FAM83A: variants seen among roughly 807,000 people sequenced by gnomAD.
The protein encoded by FAM83A is scaffolding CK1 anchoring protein A.
A neutral mutation model predicts 24.4 loss-of-function variants in FAM83A; 21 were observed. That is an observed-to-expected ratio of 0.86 (90% CI 0.61 to 1.24). The LOEUF is 1.24. FAM83A is among the 50% of genes most tolerant of loss of function. The pLI, the probability that FAM83A is intolerant of heterozygous loss-of-function variation, is 0.00. For missense variants in FAM83A, 617 were observed against 579.8 expected, an observed-to-expected ratio of 1.06 and a Z score of -0.66; for synonymous variants, 270 against 252.4, an observed-to-expected ratio of 1.07 and a Z score of -0.66.
intron 1 of FAM83A, among the ~76,000 whole-genome samples, chr8:123,186,517 C>T (rs559958778): frequency 3.3e-5 from 5 of 152,298 alleles, no homozygotes; most frequent in Non-Finnish European, 5.9e-5. Context: ...ATTCTCTTTC[C>T]TTCCCTTCAT....
chr8:123,189,450 T>C (rs61402013), intron 1 of FAM83A, among the ~76,000 whole-genome samples: 3,772 of 152,294 alleles, frequency 0.025, 184 homozygotes, highest in African/African-American at 0.086. Context: ...ACAGGTAATC[T>C]TGAAGAAAGG....
chr8:123,182,829 C>G, exon 1 of FAM83A: 1 of 1,516,124 alleles, frequency 6.6e-7, no homozygotes, highest in Non-Finnish European at 8.8e-7. Context: ...GTGCCAGCCT[C>G]CCCCAGCACC....
chr8:123,202,696 G>T (rs941418980), intron 3 of FAM83A: 2 of 152,580 alleles, frequency 1.3e-5, no homozygotes, highest in Non-Finnish European at 2.9e-5. Context: ...TTCAAACTGT[G>T]CCTCACCATC....
rs1418378484 is a variant in FAM83A, at chr8:123,186,679, A to T, written c.480+3343A>T. Among the ~76,000 whole-genome samples, 5 of 152,136 alleles carry T rather than the reference A, an allele frequency of 3.3e-5. 1 individual carries two copies. The highest frequency in any genetic ancestry group is 1.2e-4 in the African/African-American group (5 of 41,516). On this transcript the variant is annotated intron_variant, in intron 1 of 3. Transcript: ENST00000690554. Reference sequence around the variant, plus strand: ...ACCCCGTCCCTACTAAAAATACAAAAATTAGCTCGGTGTGGTGGCAGATGT... The same window carrying T: ...ACCCCGTCCCTACTAAAAATACAAATATTAGCTCGGTGTGGTGGCAGATGT...
intron 3 of FAM83A, chr8:123,202,857 A>G (rs1258145501): frequency 6.6e-6 from 1 of 152,186 alleles, no homozygotes; most frequent in Non-Finnish European, 1.5e-5. Flanking sequence ...ATGATGTTAA[A>G]TGTGCTTTTC....
exon 4 of FAM83A, chr8:123,207,759 A>C: frequency 7.1e-7 from 1 of 1,410,020 alleles, no homozygotes; most frequent in Non-Finnish European, 9.2e-7. Flanking sequence ...ACCCACCTCA[A>C]CGACGAGTGG....
chr8:123,208,446 G>C (rs1044371137), exon 4 of FAM83A: 2 of 985,382 alleles, frequency 2.0e-6, no homozygotes, highest in African/African-American at 3.5e-5. Context: ...GGACCTAGGA[G>C]CTTGAGTTGT....
chr8:123,195,042 TG>T (rs1340384748), intron 3 of FAM83A, among the ~76,000 whole-genome samples: 2 of 151,892 alleles, frequency 1.3e-5, no homozygotes, highest in East Asian at 3.9e-4. Context: ...GCTAGGGAAG[TG>T]GATTTGATGG....
At chr8:123,194,058 A>G in exon 3 of FAM83A, 1 of 1,614,234 alleles carries the variant, frequency 6.2e-7, no homozygotes, top group Non-Finnish European at 8.5e-7. Flanking sequence ...GGAGAGATAT[A>G]CTGTGCCAAG....
chr8:123,204,523 G>A (rs1310840903), intron 3 of FAM83A, among the ~76,000 whole-genome samples: 6 of 151,776 alleles, frequency 4.0e-5, no homozygotes, highest in Non-Finnish European at 8.8e-5. Flanking sequence ...ACCACTTTGG[G>A]AGGCCGAGGC....
upstream of FAM83A, chr8:123,180,196 T>C (rs1325165294): frequency 6.6e-6 from 1 of 152,150 alleles, no homozygotes; most frequent in African/African-American, 2.4e-5. Flanking sequence ...CATGCTGGAA[T>C]GAACATGTGG....
At chr8:123,200,962 A>ATATATATATATAT (rs1376845493) in intron 3 of FAM83A, among the ~76,000 whole-genome samples, 190 of 141,186 alleles carry the variant, frequency 1.3e-3, no homozygotes, top group African/African-American at 4.8e-3. Flanking sequence ...ATAAACAAAA[A>ATATATATATATAT]AAAAAAATAT....
chr8:123,192,330 G>C (rs1044913380), intron 2 of FAM83A, among the ~76,000 whole-genome samples: 1 of 152,188 alleles, frequency 6.6e-6, no homozygotes, highest in African/African-American at 2.4e-5. Flanking sequence ...CTGGTGAGCA[G>C]CATCTCTGCC....
At chr8:123,207,985 G>T (rs140608350) in exon 4 of FAM83A, 1 of 1,192,314 alleles carries the variant, frequency 8.4e-7, no homozygotes, top group African/African-American at 1.6e-5. Flanking sequence ...GAGATCATCC[G>T]GGGCTTTAAT....
exon 4 of FAM83A, chr8:123,207,711 C>G: frequency 6.9e-7 from 1 of 1,449,740 alleles, no homozygotes; most frequent in South Asian, 1.4e-5. Flanking sequence ...CTGCTGCCCT[C>G]CGCAGGCCCA....
intron 1 of FAM83A, among the ~76,000 whole-genome samples, chr8:123,184,665 C>T (rs1823730968): frequency 6.6e-6 from 1 of 152,096 alleles, no homozygotes; most frequent in Non-Finnish European, 1.5e-5. Context: ...CTTGTTCAAC[C>T]CCAGGTGCAC....
intron 3 of FAM83A, among the ~76,000 whole-genome samples, chr8:123,199,074 A>G (rs778625600): frequency 6.6e-6 from 1 of 152,178 alleles, no homozygotes; most frequent in South Asian, 2.1e-4. Flanking sequence ...TGTACCTGCC[A>G]TCTCTCTGGG....
At chr8:123,202,974 T>C (rs573585882) in intron 3 of FAM83A, among the ~76,000 whole-genome samples, 1 of 152,010 alleles carries the variant, frequency 6.6e-6, no homozygotes, top group East Asian at 1.9e-4. Context: ...CAATGTGTCA[T>C]TGGAGGAGGG....
At chr8:123,185,306 C>T (rs1384199159) in intron 1 of FAM83A, among the ~76,000 whole-genome samples, 3 of 152,144 alleles carry the variant, frequency 2.0e-5, no homozygotes, top group South Asian at 2.1e-4. Context: ...AGTGCTCTCC[C>T]GAGGGGTGGG....
Sources: gnomAD v4.1 joint callset for allele counts (sites outside exome capture counted in the v4.1 genomes callset) on GRCh38, gnomAD v4.1.1 for gene constraint, MANE v1.5 for transcripts, NCBI Gene and HGNC (gene_info 2026-07-23, HGNC 2026-07-21) for gene names.